The following MAP1B variants were observed in gnomAD, a reference collection of about 807,000 sequenced individuals.
The protein encoded by MAP1B is microtubule associated protein 1B.
A neutral mutation model predicts 176.1 loss-of-function variants in MAP1B; 12 were observed. That is an observed-to-expected ratio of 0.07 (90% CI 0.04 to 0.11). MAP1B has a LOEUF of 0.11. Ranked by LOEUF, MAP1B falls within the 10% of genes least tolerant of loss-of-function variation. The pLI is 1.00. For synonymous variants in MAP1B, 1,044 were observed against 1,135.0 expected, an observed-to-expected ratio of 0.92 and a Z score of 1.61; for missense variants, 2,523 against 2,990.5, an observed-to-expected ratio of 0.84 and a Z score of 3.65.
intron 1 of MAP1B, among the ~76,000 whole-genome samples, chr5:72,113,254 C>G (rs1745376106): frequency 6.6e-6 from 1 of 152,104 alleles, no homozygotes; most frequent in Non-Finnish European, 1.5e-5. Context: ...TCCAACATAA[C>G]CTTTATTTTA....
chr5:72,109,249 A>G (rs1487295311), intron 1 of MAP1B, among the ~76,000 whole-genome samples: 1 of 98,780 alleles, frequency 1.0e-5, no homozygotes, highest in African/African-American at 4.9e-5. Flanking sequence ...AAAAAAAAAG[A>G]AAAAAAATGT....
intron 2 of MAP1B, among the ~76,000 whole-genome samples, chr5:72,165,609 C>T (rs1208224215): frequency 1.3e-5 from 2 of 152,046 alleles, no homozygotes; most frequent in Non-Finnish European, 2.9e-5. Flanking sequence ...CTCTTGGGCT[C>T]AGTTTTCCCA....
intron 2 of MAP1B, among the ~76,000 whole-genome samples, chr5:72,158,225 G>A (rs1746264581): frequency 6.7e-6 from 1 of 149,364 alleles, no homozygotes; most frequent in South Asian, 2.3e-4. Context: ...GTCCAGGGTG[G>A]TCTCGAAATC....
At chr5:72,135,782 C>A (rs944982555) in intron 2 of MAP1B, among the ~76,000 whole-genome samples, 2 of 152,206 alleles carry the variant, frequency 1.3e-5, no homozygotes, top group Admixed American at 6.5e-5. Context: ...TCCCTGGGAC[C>A]TTTCCATTTG....
At chr5:72,165,038 A>G (rs1746398964) in intron 2 of MAP1B, among the ~76,000 whole-genome samples, 2 of 152,102 alleles carry the variant, frequency 1.3e-5, no homozygotes, top group South Asian at 4.1e-4. Flanking sequence ...TTTTAATACC[A>G]TGAGAACTTT....
chr5:72,141,090 G>A (rs968309179), intron 2 of MAP1B, among the ~76,000 whole-genome samples: 9 of 152,202 alleles, frequency 5.9e-5, no homozygotes, highest in African/African-American at 2.2e-4. Context: ...GACCAGGCCA[G>A]TATAGGGTAC....
chr5:72,184,673 T>C (rs1049722504), intron 3 of MAP1B, among the ~76,000 whole-genome samples: 1 of 152,144 alleles, frequency 6.6e-6, no homozygotes, highest in African/African-American at 2.4e-5. Flanking sequence ...ACTTTCCACT[T>C]CCTTTATTAT....
chr5:72,172,576 G>A (rs193078740), intron 2 of MAP1B, among the ~76,000 whole-genome samples: 11 of 152,170 alleles, frequency 7.2e-5, no homozygotes, highest in Middle Eastern at 3.2e-3. Flanking sequence ...CATTTCCCTG[G>A]ATTTGATCAA....
intron 2 of MAP1B, among the ~76,000 whole-genome samples, chr5:72,160,712 T>C (rs1265050953): frequency 6.6e-6 from 1 of 152,188 alleles, no homozygotes; most frequent in East Asian, 1.9e-4. Flanking sequence ...AATCTCCTAA[T>C]CTACAGAAAG....
chr5:72,121,000 ATG>A (rs1223293678), intron 2 of MAP1B, among the ~76,000 whole-genome samples: 3 of 152,218 alleles, frequency 2.0e-5, no homozygotes, highest in African/African-American at 7.2e-5. Flanking sequence ...GCTGCTGACT[ATG>A]TGTAAAGGGT....
At position 72,198,737 on chromosome 5, in the gene MAP1B, T is replaced by A. The variant is rs1285776127; in HGVS notation, c.5382T>A (p.Pro1794=). 6.2e-7 allele frequency: 1 copy of A among 1,614,062 alleles called. No individual in the cohort carries two copies. The highest frequency in any genetic ancestry group is 8.5e-7 in the Non-Finnish European group (1 of 1,180,042). The part of the protein sequence containing the change: ...ISPLTPRESS[P]LYSPTFSDST... ...CACTCACCCCACGAGAGTCCTCTCC[T>A]TTATATTCACCTACTTTTTCAGATT... The change falls in exon 5 of 7, where the codon CCT becomes CCA. Residue 1794 remains proline (P), a synonymous_variant. Coordinates refer to ENST00000296755, the MANE Select transcript of MAP1B (RefSeq NM_005909.5).
chr5:72,203,880 G>T, intron 6 of MAP1B, 79 bp downstream of exon 6: 1 of 1,344,064 alleles, frequency 7.4e-7, no homozygotes, highest in Admixed American at 1.7e-5. Flanking sequence ...GTTTAAAGAG[G>T]CACCTCATGT....
chr5:72,165,958 T>C (rs1355034371), intron 2 of MAP1B, among the ~76,000 whole-genome samples: 3 of 152,136 alleles, frequency 2.0e-5, no homozygotes, highest in African/African-American at 7.2e-5. Flanking sequence ...AGCTCTGAGA[T>C]CCCATCATGT....
At chr5:72,176,875 A>C (rs1009576747) in intron 2 of MAP1B, among the ~76,000 whole-genome samples, 8 of 152,254 alleles carry the variant, frequency 5.3e-5, no homozygotes, top group African/African-American at 1.9e-4. Context: ...AGAGCGGATG[A>C]ATGCGAAAAG....
At position 72,199,774 on chromosome 5, in the gene MAP1B, G is replaced by A. The variant is rs773064339; in HGVS notation, c.6419G>A (p.Arg2140Gln). The part of the protein sequence containing the change: ...PPPPGGKQQG[R>Q]QCDETPPTSV... ...CCTCCAGGAGGAAAGCAACAGGGCC[G>A]ACAGTGTGATGAAACCCCTCCCACC... Residue 2140 changes from arginine (R) to glutamine (Q), a missense_variant, in exon 5 of 7, where the codon CGA (arginine) becomes CAA (glutamine). By Grantham distance (43) the Arg-to-Gln change is conservative (BLOSUM62 1). Coordinates refer to ENST00000296755, the MANE Select transcript of MAP1B (RefSeq NM_005909.5). This position sits in a 1 kb window ranked among gnomAD's most constrained non-coding sequence, Gnocchi z 4.2. 1.8e-5 allele frequency: 29 copies of A among 1,614,052 alleles called. No individual in the cohort carries two copies. The East Asian group carries it at 3.3e-4, about 19-fold the overall frequency.
chr5:72,176,556 C>T (rs1746657543), intron 2 of MAP1B, among the ~76,000 whole-genome samples: 1 of 152,142 alleles, frequency 6.6e-6, no homozygotes, highest in Non-Finnish European at 1.5e-5. Context: ...GGACAAAATG[C>T]TTTGGCAACT....
At chr5:72,179,883 G>A in intron 2 of MAP1B, 2 of 985,564 alleles carry the variant, frequency 2.0e-6, no homozygotes, top group Non-Finnish European at 2.4e-6. Flanking sequence ...AAACTGGTCT[G>A]AAGATTGACT....
In MAP1B at chr5:72,187,517, C is replaced by T. The variant is rs566837148; in HGVS notation, c.510+763C>T. On this transcript the variant is annotated intron_variant, in intron 4 of 6. Transcript: ENST00000296755. ...ATAGCAATTACAGAAACAATTCAGA[C>T]CCATCCCCATAGCAGGTTGGGGCCT... 3.9e-5 allele frequency among the ~76,000 whole-genome samples: 6 copies of T among 152,270 alleles called. No homozygotes were observed. In the South Asian group the frequency reaches 1.0e-3, roughly 26 times the overall value.
rs1745957703 is a variant in MAP1B, at chr5:72,142,052, T to A, written c.286+26253T>A. Among the ~76,000 whole-genome samples, 4 of 152,112 alleles carry A rather than the reference T, an allele frequency of 2.6e-5. No individual in the cohort carries two copies. In the South Asian group the frequency reaches 8.3e-4, roughly 31 times the overall value. ...GGTTTTTATTATTTCTGGAATGCAG[T>A]CCCCAGCCCCAAATCCTAATATGCT... On this transcript the variant is annotated intron_variant, in intron 2 of 6. Coordinates refer to ENST00000296755, the MANE Select transcript of MAP1B (RefSeq NM_005909.5).
Sources: gnomAD v4.1 joint callset for allele counts (sites outside exome capture counted in the v4.1 genomes callset) on GRCh38, gnomAD v4.1.1 for gene constraint, Gnocchi (gnomAD v3.1) non-coding constraint, MANE v1.5 for transcripts, NCBI Gene and HGNC (gene_info 2026-07-23, HGNC 2026-07-21) for gene names.